Variants in PLPP4 observed in about 807,000 individuals in gnomAD.
PLPP4 encodes diacylglycerol pyrophosphate like 2.
In PLPP4, 20 loss-of-function variants were observed where a neutral mutation model predicts 32.2. The ratio of observed to expected loss-of-function variants is 0.62; its 90% CI spans 0.44 to 0.90. The LOEUF (loss-of-function observed/expected upper bound fraction) is 0.90, where lower values mean the gene tolerates loss of function less well. PLPP4 is among the 40% of genes least tolerant of loss of function. PLPP4 has a pLI of 0.00. For synonymous variants in PLPP4, 127 were observed against 133.0 expected (o/e 0.95, Z 0.31); for missense variants, 257 against 353.1 (o/e 0.73, Z 2.18).
At chr10:120,489,631 G>A (rs184304038) in intron 1 of PLPP4, among the ~76,000 whole-genome samples, 4 of 152,276 alleles carry the variant, frequency 2.6e-5, no homozygotes, top group Non-Finnish European at 5.9e-5. Context: ...GAGTGCTGCC[G>A]TGGGGAGATG....
intron 1 of PLPP4, among the ~76,000 whole-genome samples, chr10:120,476,260 T>C (rs914449729): frequency 6.6e-6 from 1 of 152,246 alleles, no homozygotes; most frequent in Non-Finnish European, 1.5e-5. Flanking sequence ...GGGCCAGCTC[T>C]TTGGACTCTT....
intron 6 of PLPP4, among the ~76,000 whole-genome samples, chr10:120,586,440 C>T (rs1343259942): frequency 2.0e-5 from 3 of 152,038 alleles, no homozygotes; most frequent in Non-Finnish European, 4.4e-5. Flanking sequence ...TCTAAATGCA[C>T]CTTGGTAGAG....
chr10:120,502,594 C>T (rs1448438611), intron 1 of PLPP4, among the ~76,000 whole-genome samples: 2 of 152,112 alleles, frequency 1.3e-5, no homozygotes, highest in Non-Finnish European at 2.9e-5. Flanking sequence ...ACAGTGACAG[C>T]CCTGGAGTGG....
At chr10:120,586,114 C>G (rs887528853) in intron 6 of PLPP4, among the ~76,000 whole-genome samples, 2 of 113,440 alleles carry the variant, frequency 1.8e-5, no homozygotes, top group African/African-American at 3.4e-5. Context: ...CTATTTTTTT[C>G]TCTTTTCTTT....
chr10:120,589,279 C>T (rs1363374914), intron 6 of PLPP4, 24 bp from the exon 7 acceptor site: 3 of 1,607,764 alleles, frequency 1.9e-6, no homozygotes, highest in East Asian at 2.2e-5. Context: ...ACCCATTTTT[C>T]CTGCTCTGCT....
At position 120,529,416 on chromosome 10, in the gene PLPP4, T is replaced by C. The variant is rs556048069; in HGVS notation, c.445+8321T>C. ...GTGTTAAATTCGTCCACTCTCCAAG[T>C]TCCTGGTCTGAATAAGTAGAATATT... On this transcript the variant is annotated intron_variant, in intron 5 of 6. Transcript: ENST00000398250. 4.6e-5 allele frequency among the ~76,000 whole-genome samples: 7 copies of C among 152,336 alleles called. No individual in the cohort carries two copies. In the South Asian group the frequency reaches 1.4e-3, roughly 32 times the overall value.
chr10:120,513,287 CCAG>C (rs1845803705), intron 2 of PLPP4, among the ~76,000 whole-genome samples: 1 of 152,116 alleles, frequency 6.6e-6, no homozygotes, highest in Non-Finnish European at 1.5e-5. Context: ...GATGGTACCA[CCAG>C]TACCATGGTT....
At chr10:120,482,353 G>A (rs1414571721) in intron 1 of PLPP4, among the ~76,000 whole-genome samples, 4 of 152,178 alleles carry the variant, frequency 2.6e-5, no homozygotes, top group Non-Finnish European at 4.4e-5. Context: ...AGATGGAGAT[G>A]AGAAACTTGT....
At chr10:120,538,765 G>C (rs532298877) in intron 5 of PLPP4, among the ~76,000 whole-genome samples, 1 of 152,160 alleles carries the variant, frequency 6.6e-6, no homozygotes, top group Non-Finnish European at 1.5e-5. Flanking sequence ...AATGTGTCAG[G>C]TTTTGTGTTA....
chr10:120,560,730 G>A (rs1477003258), intron 5 of PLPP4, among the ~76,000 whole-genome samples: 1 of 152,146 alleles, frequency 6.6e-6, no homozygotes. Context: ...ACTCCAACCT[G>A]GGTGGCGGAG....
At chr10:120,587,290 G>A (rs1054350176) in intron 6 of PLPP4, 2 of 152,218 alleles carry the variant, frequency 1.3e-5, no homozygotes, top group African/African-American at 4.8e-5. Context: ...GCAGGAGAAT[G>A]GCTGCGCCTA....
intron 6 of PLPP4, among the ~76,000 whole-genome samples, chr10:120,578,606 A>G (rs1488320338): frequency 6.6e-6 from 1 of 152,106 alleles, no homozygotes; most frequent in Non-Finnish European, 1.5e-5. Flanking sequence ...CTCTCTCTCC[A>G]TTATCATGGT....
In PLPP4 at chr10:120,590,649, T is replaced by C. The variant is rs1020917002; in HGVS notation, c.*1147T>C. Among the ~76,000 whole-genome samples, 2 of 152,164 alleles carry C rather than the reference T, an allele frequency of 1.3e-5. No individual in the cohort carries two copies. The highest frequency in any genetic ancestry group is 4.8e-5 in the African/African-American group (2 of 41,420). Reference sequence around the variant, plus strand: ...AGCACGCTGCTCCTTGGCCAGCTAGTTTTTTCAAGGCAAGGAGCATCCCCT... The same window carrying C: ...AGCACGCTGCTCCTTGGCCAGCTAGCTTTTTCAAGGCAAGGAGCATCCCCT... On this transcript the variant is annotated 3_prime_UTR_variant, in exon 7 of 7. Transcript: ENST00000398250.
At chr10:120,459,363 C>G (rs926242416) in intron 1 of PLPP4, among the ~76,000 whole-genome samples, 2 of 152,144 alleles carry the variant, frequency 1.3e-5, no homozygotes, top group Non-Finnish European at 1.5e-5. Context: ...TGATGCGAGC[C>G]TCCCTAGGGG....
chr10:120,474,695 G>T (rs1843817668), intron 1 of PLPP4, among the ~76,000 whole-genome samples: 1 of 152,012 alleles, frequency 6.6e-6, no homozygotes, highest in South Asian at 2.1e-4. Flanking sequence ...AAATCATATT[G>T]TTCATTAAAA....
intron 6 of PLPP4, among the ~76,000 whole-genome samples, chr10:120,579,430 G>A (rs376636234): frequency 3.4e-4 from 52 of 152,234 alleles, no homozygotes; most frequent in Middle Eastern, 3.4e-3. Flanking sequence ...CCATTATTGC[G>A]TTCGCCTGCT....
chr10:120,579,771 A>C (rs972219358), intron 6 of PLPP4, among the ~76,000 whole-genome samples: 1 of 152,008 alleles, frequency 6.6e-6, no homozygotes, highest in Non-Finnish European at 1.5e-5. Flanking sequence ...TGAAATCAAA[A>C]GTGAGCATCA....
chr10:120,499,503 TC>T (rs1187754551), intron 1 of PLPP4, among the ~76,000 whole-genome samples: 1 of 151,932 alleles, frequency 6.6e-6, no homozygotes, highest in Non-Finnish European at 1.5e-5. Flanking sequence ...ATGGAGAAGA[TC>T]CCCTGGGGAT....
chr10:120,547,123 A>G (rs1787668365), intron 5 of PLPP4, among the ~76,000 whole-genome samples: 1 of 152,174 alleles, frequency 6.6e-6, no homozygotes. Flanking sequence ...AATGATGAAC[A>G]TAGATAATGG....
Sources: allele counts gnomAD v4.1 joint callset (sites outside exome capture counted in the v4.1 genomes callset), GRCh38; gene constraint gnomAD v4.1.1; transcripts MANE v1.5; gene names NCBI Gene and HGNC (gene_info 2026-07-23, HGNC 2026-07-21).